Variants in ATP10B observed in about 807,000 individuals in gnomAD.
ATP10B encodes phospholipid-transporting ATPase VB.
A neutral mutation model predicts 141.2 loss-of-function variants in ATP10B; 122 were observed. The observed-to-expected ratio is 0.86, with a 90% CI of 0.75 to 1.00. The LOEUF (loss-of-function observed/expected upper bound fraction) is 1.00. Ranked by LOEUF, ATP10B falls within the 50% of genes least tolerant of loss-of-function variation. ATP10B has a pLI of 0.00. For synonymous variants in ATP10B, 685 were observed against 692.0 expected (o/e 0.99, Z 0.16); for missense variants, 1,876 against 1,825.3 (o/e 1.03, Z -0.51).
chr5:160,813,640 T>A lies in ATP10B; in HGVS notation c.-575-27837A>T, dbSNP rs186478524. Among the ~76,000 whole-genome samples the A allele has an allele frequency of 1.5e-4, 23 of 152,236 alleles. No individual in the cohort carries two copies. In the East Asian group the frequency reaches 3.1e-3, roughly 21 times the overall value. On this transcript the variant is annotated intron_variant, in intron 1 of 25. Coordinates refer to ENST00000327245, the MANE Select transcript of ATP10B (RefSeq NM_025153.3). ...TGACAGCTTCGAAGAGAGTAGTTGT[T>A]CTCCCAGCACGCAGCTGGAGATCTG... is the stretch of plus-strand genomic sequence containing the variant.
intron 3 of ATP10B, among the ~76,000 whole-genome samples, chr5:160,716,503 T>C (rs1159869852): frequency 6.6e-6 from 1 of 152,132 alleles, no homozygotes; most frequent in Non-Finnish European, 1.5e-5. Context: ...TACTCCAGAA[T>C]TGGTGCTTTA....
rs1168239487 is a variant in ATP10B at position 160,717,004 on chromosome 5, G to A, written c.-300C>T. 3.0e-6 allele frequency: 3 copies of A among 985,236 alleles called. No homozygotes were observed. The highest frequency in any genetic ancestry group is 3.6e-6 in the Non-Finnish European group (3 of 829,904). The allele number at this position is 985,236 out of a possible 1,614,324, so 61.0% of individuals were successfully genotyped here. On this transcript the variant is annotated 5_prime_UTR_variant, in exon 3 of 26. Transcript: ENST00000327245. ...GGGGCAGATGTAGTACTTTAGCTGG[G>A]CAAATTGTTGATCAGAATAAATTGC...
chr5:160,715,752 C>T (rs1406325296), intron 3 of ATP10B, among the ~76,000 whole-genome samples: 1 of 150,448 alleles, frequency 6.6e-6, no homozygotes, highest in Non-Finnish European at 1.5e-5. Flanking sequence ...CACTCTGTGG[C>T]CCAGGCTGGA....
intron 1 of ATP10B, among the ~76,000 whole-genome samples, chr5:160,835,076 G>A (rs1775333460): frequency 6.6e-6 from 1 of 152,054 alleles, no homozygotes; most frequent in South Asian, 2.1e-4. Context: ...CTGAACACAT[G>A]CTCAGTGGGA....
intron 1 of ATP10B, among the ~76,000 whole-genome samples, chr5:160,840,772 T>C (rs1241849677): frequency 6.6e-6 from 1 of 152,148 alleles, no homozygotes; most frequent in Admixed American, 6.5e-5. Flanking sequence ...ATTATCATTC[T>C]ATAGCAAAAT....
At chr5:160,575,572 A>AT (rs926219475) in intron 24 of ATP10B, among the ~76,000 whole-genome samples, 1 of 152,168 alleles carries the variant, frequency 6.6e-6, no homozygotes, top group African/African-American at 2.4e-5. Flanking sequence ...CATATCTGTA[A>AT]TTAAAAAAAG....
chr5:160,804,590 T>A (rs1009388938), intron 1 of ATP10B, among the ~76,000 whole-genome samples: 2 of 152,222 alleles, frequency 1.3e-5, no homozygotes, highest in African/African-American at 4.8e-5. Context: ...CAAAGACCCA[T>A]GTCCCTTTAG....
At chr5:160,582,917 G>A (rs1273238180) in intron 24 of ATP10B, among the ~76,000 whole-genome samples, 2 of 152,060 alleles carry the variant, frequency 1.3e-5, no homozygotes, top group African/African-American at 4.8e-5. Flanking sequence ...TACTGTGTTT[G>A]TCAGCTCCAT....
the ATP10B span, among the ~76,000 whole-genome samples, chr5:160,873,123 G>GTTT: frequency 9.0e-4 from 82 of 91,592 alleles, no homozygotes; most frequent in African/African-American, 3.0e-3. Context: ...GGTTTTTTTT[G>GTTT]TTTTTTTTTT....
chr5:160,881,111 A>C, the ATP10B span, among the ~76,000 whole-genome samples: 2 of 152,260 alleles, frequency 1.3e-5, no homozygotes, highest in African/African-American at 4.8e-5. Context: ...CAAGCCATTT[A>C]ACAAATGGAC....
chr5:160,652,631 T>C (rs1486397971), intron 7 of ATP10B, among the ~76,000 whole-genome samples: 4 of 138,076 alleles, frequency 2.9e-5, no homozygotes, highest in African/African-American at 1.1e-4. Flanking sequence ...ACGAATTTTA[T>C]ATTTTATAAA....
chr5:160,810,596 AT>A (rs1250094232), intron 1 of ATP10B, among the ~76,000 whole-genome samples: 71 of 152,252 alleles, frequency 4.7e-4, no homozygotes, highest in African/African-American at 1.6e-3. Flanking sequence ...TAAATGTATT[AT>A]TCATGTCTTT....
At chr5:160,847,687 T>G (rs1437171896) in intron 1 of ATP10B, among the ~76,000 whole-genome samples, 1 of 152,218 alleles carries the variant, frequency 6.6e-6, no homozygotes, top group Non-Finnish European at 1.5e-5. Flanking sequence ...TATTATTGTG[T>G]CAAGTTCACT....
chr5:160,604,719 C>T (rs1757284264), intron 19 of ATP10B, among the ~76,000 whole-genome samples: 1 of 151,714 alleles, frequency 6.6e-6, no homozygotes, highest in Non-Finnish European at 1.5e-5. Context: ...CACACACACA[C>T]ATAAACACAC....
chr5:160,877,296 T>C, the ATP10B span, among the ~76,000 whole-genome samples: 75 of 145,422 alleles, frequency 5.2e-4, no homozygotes, highest in Admixed American at 5.2e-3. Flanking sequence ...CATGATTATC[T>C]CAATAGATGC....
intron 6 of ATP10B, among the ~76,000 whole-genome samples, chr5:160,681,816 A>G (rs1050256840): frequency 6.6e-6 from 1 of 152,236 alleles, no homozygotes; most frequent in African/African-American, 2.4e-5. Flanking sequence ...GTTAAAAGTC[A>G]GGTTATTTCA....
chr5:160,858,826 A>G, the ATP10B span, among the ~76,000 whole-genome samples: 1 of 151,836 alleles, frequency 6.6e-6, no homozygotes, highest in Non-Finnish European at 1.5e-5. Context: ...TACCAGTTTG[A>G]GTGACATATA....
At chr5:160,846,266 T>C (rs1776111480) in intron 1 of ATP10B, among the ~76,000 whole-genome samples, 1 of 152,188 alleles carries the variant, frequency 6.6e-6, no homozygotes, top group African/African-American at 2.4e-5. Context: ...CTTGCCGTGT[T>C]GAGCAGGCTA....
chr5:160,720,384 G>A (rs1230383109), intron 2 of ATP10B, among the ~76,000 whole-genome samples: 1 of 152,150 alleles, frequency 6.6e-6, no homozygotes, highest in Non-Finnish European at 1.5e-5. Context: ...TAAGTGCGAT[G>A]GAGTTTAAAA....
Sources: allele counts gnomAD v4.1 joint callset (sites outside exome capture counted in the v4.1 genomes callset), GRCh38; gene constraint gnomAD v4.1.1; transcripts MANE v1.5; gene names NCBI Gene and HGNC (gene_info 2026-07-23, HGNC 2026-07-21).